UBR2: variants seen among roughly 807,000 people sequenced by gnomAD.
UBR2 encodes ubiquitin protein ligase E3 component n-recognin 2.
A neutral mutation model predicts 247.9 loss-of-function variants in UBR2; 92 were observed. That is an observed-to-expected ratio of 0.37 (90% CI 0.31 to 0.44). UBR2 has a LOEUF of 0.44. UBR2 is among the 20% of genes least tolerant of loss of function. The probability of loss-of-function intolerance (pLI) is 1.00; values close to 1 mark genes in which losing one functional copy is unlikely to be tolerated. For synonymous variants in UBR2, 672 were observed against 693.5 expected (o/e 0.97, Z 0.49); for missense variants, 1,613 against 2,112.6 (o/e 0.76, Z 4.64).
At chr6:42,630,474 C>T (rs1278444172) in intron 11 of UBR2, among the ~76,000 whole-genome samples, 3 of 151,622 alleles carry the variant, frequency 2.0e-5, no homozygotes, top group Non-Finnish European at 4.4e-5. Context: ...TAAGCCACTG[C>T]ACCCAGCCTA....
chr6:42,603,586 A>G lies in UBR2; in HGVS notation c.532-2A>G. 6.5e-7 allele frequency: 1 copy of G among 1,548,122 alleles called. No homozygotes were observed. Among genetic ancestry groups the G allele is most frequent in the South Asian group, 1.3e-5 (1 of 79,914 alleles). On this transcript the variant is annotated splice_acceptor_variant, in intron 4 of 46. Transcript: ENST00000372901. LOFTEE classifies it high-confidence loss of function. ...TTCTTTTTTTTCTGTTGTTTCTTTC[A>G]GGATCCTCTTGTTCATTTATCAGAA...
At position 42,693,138 on chromosome 6, in the gene UBR2, G is replaced by C. The variant is rs1339608140; in HGVS notation, c.*1965G>C. On this transcript the variant is annotated 3_prime_UTR_variant, in exon 47 of 47. Coordinates refer to ENST00000372901, the MANE Select transcript of UBR2 (RefSeq NM_001363705.2). ...AATCATAACAATACTCCAGCTTTCC[G>C]GTCCGACTTCCTAGGAGCCTGGAGT... The C allele has an allele frequency of 7.1e-6, 1 of 141,036 alleles. No homozygotes were observed. Among genetic ancestry groups the C allele is most frequent in the African/African-American group, 2.5e-5 (1 of 40,128 alleles). The allele number at this position is 141,036 out of a possible 1,614,324, so 8.7% of individuals were successfully genotyped here. A position where few individuals can be genotyped will look rare whatever the true frequency, so the allele number is the denominator to read the frequency against.
rs115800003 is a variant in UBR2 at position 42,622,725 on chromosome 6, T to C, written c.1281+5218T>C. ...GGCCTGTTTTTGGCTTTTGATTCTA[T>C]GGGAAATTTTTTTTAACTTTACTTT... On this transcript the variant is annotated intron_variant, in intron 11 of 46. Transcript: ENST00000372901. Among the ~76,000 whole-genome samples the C allele has an allele frequency of 7.8e-3, 1,190 of 152,292 alleles. 13 individuals are homozygous for C. Among genetic ancestry groups the C allele is most frequent in the African/African-American group, 0.028 (1,154 of 41,550 alleles).
intron 13 of UBR2, among the ~76,000 whole-genome samples, chr6:42,634,925 G>A (rs139466763): frequency 5.9e-5 from 9 of 152,258 alleles, no homozygotes; most frequent in South Asian, 4.1e-4. Flanking sequence ...AGAATAGTTA[G>A]GCTAGTTTCT....
intron 31 of UBR2, among the ~76,000 whole-genome samples, chr6:42,662,882 C>T (rs965074317): frequency 5.9e-5 from 9 of 152,014 alleles, no homozygotes; most frequent in African/African-American, 2.2e-4. Context: ...TTGCAGTGAA[C>T]CAAGATTGTG....
intron 2 of UBR2, among the ~76,000 whole-genome samples, chr6:42,587,435 G>A (rs1792364457): frequency 6.6e-6 from 1 of 151,928 alleles, no homozygotes; most frequent in Non-Finnish European, 1.5e-5. Flanking sequence ...ACAGCTTACT[G>A]CAGCCTTGAC....
In UBR2 at chr6:42,617,402, T is replaced by C. The variant is rs767264915; in HGVS notation, c.1183-7T>C. 1 of 1,609,788 alleles carries C rather than the reference T, an allele frequency of 6.2e-7. No individual in the cohort carries two copies. ...GCACTCCTTGCCTTTTTTTGCCTTC[T>C]TAATAGAACTATGAGCGTTTGCAGA... On this transcript the variant is annotated splice_region_variant and splice_polypyrimidine_tract_variant and intron_variant, in intron 10 of 46. Coordinates refer to ENST00000372901, the MANE Select transcript of UBR2 (RefSeq NM_001363705.2).
chr6:42,622,776 T>C (rs1349175235), intron 11 of UBR2, among the ~76,000 whole-genome samples: 2 of 152,196 alleles, frequency 1.3e-5, no homozygotes, highest in African/African-American at 2.4e-5. Flanking sequence ...AATACATTCA[T>C]TTGTGTATAT....
chr6:42,568,071 TAATG>T (rs1790888243), intron 1 of UBR2, among the ~76,000 whole-genome samples: 1 of 152,124 alleles, frequency 6.6e-6, no homozygotes, highest in Non-Finnish European at 1.5e-5. Flanking sequence ...TTTTAATAAA[TAATG>T]AATTTGTTAA....
At chr6:42,641,781 G>A (rs769583493) in intron 17 of UBR2, 89 bp downstream of exon 17, 3 of 962,030 alleles carry the variant, frequency 3.1e-6, no homozygotes, top group Non-Finnish European at 4.8e-6. Flanking sequence ...GTCAGTGAAA[G>A]CTGAGTATCT....
chr6:42,673,745 C>G, intron 36 of UBR2, 46 bp from the exon 37 acceptor site: 1 of 1,430,454 alleles, frequency 7.0e-7, no homozygotes, highest in Non-Finnish European at 9.8e-7. Context: ...TGAAAGAGAA[C>G]TGCTTTGCAT....
Position 42,691,182 on chromosome 6 carries a change from C to T in UBR2, c.*9C>T, listed in dbSNP as rs1562412856. The T allele has an allele frequency of 2.4e-5, 39 of 1,609,366 alleles. No homozygotes were observed. The highest frequency in any genetic ancestry group is 3.3e-5 in the Non-Finnish European group (39 of 1,178,974). On this transcript the variant is annotated 3_prime_UTR_variant, in exon 47 of 47. Transcript: ENST00000372901. ...ACTGGCAACATTTATAATTATTGCACCACCAAAAAACACAAACTTGGATTT... is the reference window on the plus strand; with the variant it reads ...ACTGGCAACATTTATAATTATTGCATCACCAAAAAACACAAACTTGGATTT...
At chr6:42,644,931 A>C (rs1796669491) in intron 20 of UBR2, among the ~76,000 whole-genome samples, 1 of 152,176 alleles carries the variant, frequency 6.6e-6, no homozygotes, top group Non-Finnish European at 1.5e-5. Flanking sequence ...CTTCAGATAC[A>C]ATAATTCCAA....
intron 38 of UBR2, among the ~76,000 whole-genome samples, chr6:42,675,016 A>G (rs1798642113): frequency 6.6e-6 from 1 of 152,124 alleles, no homozygotes; most frequent in Non-Finnish European, 1.5e-5. Flanking sequence ...GTACTGCCAC[A>G]CCCAGCAGCC....
In UBR2 at chr6:42,656,048, G is replaced by A. The variant is rs145987449; in HGVS notation, c.2872+325G>A. On this transcript the variant is annotated intron_variant, in intron 26 of 46. Transcript: ENST00000372901. Reference sequence around the variant, plus strand: ...TGACTTTTTAAAAGAAGGCCAGGGAGTTTTTCTAGCTTTTTATTTTAAAAA... The same window carrying A: ...TGACTTTTTAAAAGAAGGCCAGGGAATTTTTCTAGCTTTTTATTTTAAAAA... Among the ~76,000 whole-genome samples, 77 of 152,216 alleles carry A rather than the reference G, an allele frequency of 5.1e-4. 2 individuals carry two copies. The East Asian group carries it at 8.3e-3, about 16-fold the overall frequency.
At chr6:42,678,987 T>C (rs999273808) in intron 41 of UBR2, among the ~76,000 whole-genome samples, 1 of 152,254 alleles carries the variant, frequency 6.6e-6, no homozygotes, top group Non-Finnish European at 1.5e-5. Flanking sequence ...TTCCTCAGAT[T>C]TGAAAAGGTG....
chr6:42,621,555 C>T (rs1411235697), intron 11 of UBR2, among the ~76,000 whole-genome samples: 4 of 151,722 alleles, frequency 2.6e-5, no homozygotes, highest in South Asian at 2.1e-4. Context: ...CTCCGCCTCC[C>T]GGGTTCAAGC....
intron 8 of UBR2, among the ~76,000 whole-genome samples, chr6:42,614,225 C>G (rs796639670): frequency 5.2e-5 from 2 of 38,778 alleles, no homozygotes; most frequent in Admixed American, 2.9e-4. Context: ...TATACACACA[C>G]ACACACACAC....
intron 44 of UBR2, 31 bp downstream of exon 44, chr6:42,684,902 C>A: frequency 6.4e-7 from 1 of 1,561,130 alleles, no homozygotes; most frequent in South Asian, 1.1e-5. Flanking sequence ...TGAACATTCC[C>A]TGCCACTGGA....
Sources: gnomAD v4.1 joint callset for allele counts (sites outside exome capture counted in the v4.1 genomes callset) on GRCh38, gnomAD v4.1.1 for gene constraint, MANE v1.5 for transcripts, NCBI Gene and HGNC (gene_info 2026-07-23, HGNC 2026-07-21) for gene names.